The following WASHC2C variants were observed in gnomAD, a reference collection of about 807,000 sequenced individuals.
WASHC2C encodes Vaccinia Penetration Factor.
WASHC2C carries 73 observed loss-of-function variants against 142.2 expected under a neutral mutation model. That is an observed-to-expected ratio of 0.51 (90% CI 0.43 to 0.62). The LOEUF is 0.62. Ranked by LOEUF, WASHC2C falls within the 20% of genes least tolerant of loss-of-function variation. The pLI, the probability that WASHC2C is intolerant of heterozygous loss-of-function variation, is 0.00. For missense variants in WASHC2C, 969 were observed against 1,531.7 expected, an observed-to-expected ratio of 0.63 and a Z score of 6.13; for synonymous variants, 337 against 565.5, an observed-to-expected ratio of 0.60 and a Z score of 5.73.
intron 17 of WASHC2C, among the ~76,000 whole-genome samples, chr10:45,762,510 A>T (rs1366536237): frequency 1.3e-5 from 2 of 152,216 alleles, no homozygotes; most frequent in African/African-American, 4.8e-5. Context: ...GTTTCTTTAG[A>T]ATCTATCAGG....
intron 20 of WASHC2C, among the ~76,000 whole-genome samples, chr10:45,772,637 G>A (rs757798095): frequency 7.2e-5 from 11 of 152,198 alleles, no homozygotes; most frequent in South Asian, 2.1e-4. Flanking sequence ...GATCACTTGA[G>A]TTCAGGAATT....
chr10:45,763,017 T>G (rs2055330880), intron 17 of WASHC2C, among the ~76,000 whole-genome samples: 1 of 152,186 alleles, frequency 6.6e-6, no homozygotes, highest in South Asian at 2.1e-4. Context: ...TTATTGACCC[T>G]GTCTAATCTC....
upstream of WASHC2C, chr10:45,727,171 C>T: frequency 2.1e-6 from 3 of 1,449,886 alleles, no homozygotes; most frequent in Non-Finnish European, 2.7e-6. Context: ...CATCGCAGGT[C>T]GGATCACGTG....
At chr10:45,787,339 C>G in intron 28 of WASHC2C, 92 bp downstream of exon 28, 1 of 1,339,484 alleles carries the variant, frequency 7.5e-7, no homozygotes, top group Non-Finnish European at 1.0e-6. Context: ...ACACAGCAGT[C>G]TTTGACTCTC....
intron 4 of WASHC2C, among the ~76,000 whole-genome samples, chr10:45,738,859 C>T (rs530975478): frequency 6.6e-6 from 1 of 152,262 alleles, no homozygotes; most frequent in Admixed American, 6.5e-5. Context: ...CGTGTGCCAC[C>T]ACGCCTGGCT....
At chr10:45,730,342 C>T (rs1320845082) in intron 3 of WASHC2C, among the ~76,000 whole-genome samples, 11 of 147,764 alleles carry the variant, frequency 7.4e-5, no homozygotes, top group Middle Eastern at 3.4e-3. Context: ...AGCGAAACTC[C>T]GTCTCAAAAA....
intron 20 of WASHC2C, among the ~76,000 whole-genome samples, chr10:45,772,447 C>T (rs1332156972): frequency 2.6e-5 from 4 of 152,118 alleles, no homozygotes; most frequent in Admixed American, 6.5e-5. Flanking sequence ...CCAGGTGCAA[C>T]GGCTCATGCC....
chr10:45,787,967 T>C (rs1358175388), intron 28 of WASHC2C, among the ~76,000 whole-genome samples: 1 of 152,240 alleles, frequency 6.6e-6, no homozygotes, highest in African/African-American at 2.4e-5. Flanking sequence ...GTCTCCCTTC[T>C]CTAGAAAGCT....
At chr10:45,728,131 C>T (rs2050115481) in intron 2 of WASHC2C, among the ~76,000 whole-genome samples, 1 of 152,130 alleles carries the variant, frequency 6.6e-6, no homozygotes, top group African/African-American at 2.4e-5. Flanking sequence ...TCAGGTGATC[C>T]TCTCACCTCA....
At chr10:45,787,457 A>G (rs1422197750) in intron 28 of WASHC2C, among the ~76,000 whole-genome samples, 2 of 135,336 alleles carry the variant, frequency 1.5e-5, no homozygotes, top group African/African-American at 5.7e-5. Flanking sequence ...GTACATTTGC[A>G]TTCTGCTCAG....
chr10:45,752,649 C>T lies in WASHC2C; in HGVS notation c.1065C>T (p.Gly355=). The T allele has an allele frequency of 6.2e-7, 1 of 1,609,886 alleles. No individual in the cohort carries two copies. Among genetic ancestry groups the T allele is most frequent in the Non-Finnish European group, 8.5e-7 (1 of 1,178,918 alleles). The change falls in exon 12 of 31, where the codon GGC becomes GGT. Residue 355 remains glycine (G), a synonymous_variant. Coordinates refer to ENST00000623400, the MANE Select transcript of WASHC2C (RefSeq NM_001330074.2). ...KLTDEDFSPF[G]SGGGLFSGGK... ...CCGACGAGGACTTCTCGCCATTTGGCTCTGGAGGTGGCCTGTTCAGTGGCG... is the reference window on the plus strand; with the variant it reads ...CCGACGAGGACTTCTCGCCATTTGGTTCTGGAGGTGGCCTGTTCAGTGGCG...
At chr10:45,730,735 T>C (rs1388282432) in intron 3 of WASHC2C, among the ~76,000 whole-genome samples, 3 of 151,662 alleles carry the variant, frequency 2.0e-5, no homozygotes, top group East Asian at 3.9e-4. Context: ...TTCTCCTGCC[T>C]CAACCTTCCA....
rs782752476 is a variant in WASHC2C at position 45,785,624 on chromosome 10, C to G, written c.2804C>G (p.Thr935Arg). 1 of 1,613,532 alleles carries G rather than the reference C, an allele frequency of 6.2e-7. No homozygotes were observed. The highest frequency in any genetic ancestry group is 1.3e-5 in the African/African-American group (1 of 74,894). The change falls in exon 26 of 31, where the codon ACA becomes AGA. Residue 935 changes from threonine (T) to arginine (R), a missense_variant. Thr to Arg is a moderately conservative substitution (Grantham distance 71, BLOSUM62 -1). Coordinates refer to ENST00000623400, the MANE Select transcript of WASHC2C (RefSeq NM_001330074.2). ...GAAAAAGGCATATGGAAGCCGGAAA[C>G]ACCTCAGGTTAGAAATCCTCTTTAA... is the stretch of plus-strand genomic sequence containing the variant. ...SKEKGIWKPETPQDSSGLAPF... is the reference protein window; with the variant it reads ...SKEKGIWKPERPQDSSGLAPF...
intron 5 of WASHC2C, 42 bp downstream of exon 5, chr10:45,740,288 GT>G: frequency 1.9e-6 from 1 of 515,376 alleles, no homozygotes; most frequent in East Asian, 3.4e-5. Context: ...CAACTATTAT[GT>G]TTGGGCTACT....
rs1362246130 is a variant in WASHC2C at position 45,781,886 on chromosome 10, C to A, written c.2479-2679C>A. On this transcript the variant is annotated intron_variant, in intron 23 of 30. Transcript: ENST00000623400. ...CCATCTGGAAAGTCAAACGACCACC[C>A]ACAAAATGGGAGAAAAGATTTACAG... Among the ~76,000 whole-genome samples the A allele has an allele frequency of 3.7e-5, 4 of 108,526 alleles. No homozygotes were observed. The East Asian group carries it at 7.3e-4, about 20-fold the overall frequency. The allele number at this position is 108,526 out of a possible 152,430, so 71.2% of individuals were successfully genotyped here. A position where few individuals can be genotyped will look rare whatever the true frequency, so the allele number is the denominator to read the frequency against.
intron 11 of WASHC2C, among the ~76,000 whole-genome samples, chr10:45,752,183 C>A (rs1369618257): frequency 3.3e-5 from 5 of 152,204 alleles, no homozygotes; most frequent in African/African-American, 1.2e-4. Context: ...CTGCAAACAG[C>A]CATGTCGATT....
intron 28 of WASHC2C, 94 bp from the exon 29 acceptor site, chr10:45,788,777 C>A (rs2058229634): frequency 5.6e-6 from 9 of 1,593,396 alleles, no homozygotes; most frequent in Non-Finnish European, 7.7e-6. Context: ...GACCAGATAA[C>A]CTTACAATAT....
chr10:45,786,698 A>G (rs782046438), intron 27 of WASHC2C, 24 bp downstream of exon 27: 15 of 1,611,726 alleles, frequency 9.3e-6, no homozygotes, highest in Admixed American at 6.7e-5. Context: ...TGGAATCTTC[A>G]TTGCCTGCCC....
intron 3 of WASHC2C, among the ~76,000 whole-genome samples, chr10:45,734,876 C>T (rs1349587966): frequency 6.6e-6 from 1 of 151,628 alleles, no homozygotes; most frequent in Non-Finnish European, 1.5e-5. Flanking sequence ...AGGTGTTCGC[C>T]ACCATGCCTG....
Sources: allele counts gnomAD v4.1 joint callset (sites outside exome capture counted in the v4.1 genomes callset), GRCh38; gene constraint gnomAD v4.1.1; transcripts MANE v1.5; gene names NCBI Gene and HGNC (gene_info 2026-07-23, HGNC 2026-07-21).